FTO: variants seen among roughly 807,000 people sequenced by gnomAD.
FTO encodes the protein FTO alpha-ketoglutarate dependent dioxygenase.
A neutral mutation model predicts 63.9 loss-of-function variants in FTO; 47 were observed. The ratio of observed to expected loss-of-function variants is 0.74; its 90% CI spans 0.58 to 0.94. The LOEUF (loss-of-function observed/expected upper bound fraction) is 0.94. FTO is among the 40% of genes least tolerant of loss of function. The probability of loss-of-function intolerance (pLI) is 0.00; values close to 1 mark genes in which losing one functional copy is unlikely to be tolerated. For missense variants in FTO, 562 were observed against 618.1 expected, an observed-to-expected ratio of 0.91 and a Z score of 0.96; for synonymous variants, 207 against 224.4, an observed-to-expected ratio of 0.92 and a Z score of 0.69.
intron 4 of FTO, among the ~76,000 whole-genome samples, chr16:53,868,147 T>G (rs1055773935): frequency 1.3e-5 from 2 of 152,172 alleles, no homozygotes; most frequent in Non-Finnish European, 2.9e-5. Flanking sequence ...TGATAATCTC[T>G]TATTTTTTAA....
intron 3 of FTO, among the ~76,000 whole-genome samples, chr16:53,829,896 A>G (rs2079100417): frequency 6.6e-6 from 1 of 151,728 alleles, no homozygotes; most frequent in African/African-American, 2.4e-5. Flanking sequence ...CCAAGGTCAC[A>G]TTGCTACTTA....
intron 1 of FTO, among the ~76,000 whole-genome samples, chr16:53,768,415 A>G (rs2151625044): frequency 6.6e-6 from 1 of 152,340 alleles, no homozygotes; most frequent in Non-Finnish European, 1.5e-5. Flanking sequence ...ATTCGGAAAC[A>G]TGACTGCTGG....
chr16:53,747,190 T>C (rs1373132210), intron 1 of FTO, among the ~76,000 whole-genome samples: 1 of 152,200 alleles, frequency 6.6e-6, no homozygotes, highest in Non-Finnish European at 1.5e-5. Flanking sequence ...CTCTTTGACA[T>C]ACCAATTTCA....
chr16:53,881,197 C>CATAG (rs2080824045), intron 6 of FTO, among the ~76,000 whole-genome samples: 1 of 151,226 alleles, frequency 6.6e-6, no homozygotes, highest in South Asian at 2.1e-4. Context: ...ACATACAGAC[C>CATAG]ATAGCATTCT....
intron 4 of FTO, among the ~76,000 whole-genome samples, chr16:53,864,159 G>C (rs938801722): frequency 6.6e-6 from 1 of 152,186 alleles, no homozygotes; most frequent in Non-Finnish European, 1.5e-5. Context: ...AAGATTGAGA[G>C]ATGAGAATGG....
At chr16:54,111,622 A>C (rs1489045802) in intron 8 of FTO, 140 bp from the exon 9 acceptor site, 1 of 871,190 alleles carries the variant, frequency 1.1e-6, no homozygotes, top group Non-Finnish European at 1.9e-6. Flanking sequence ...CCACCTGTAG[A>C]TTCATTCAGT....
chr16:54,086,098 A>G (rs2086249813), intron 8 of FTO, among the ~76,000 whole-genome samples: 1 of 152,210 alleles, frequency 6.6e-6, no homozygotes, highest in African/African-American at 2.4e-5. Context: ...TTAAAGTGGA[A>G]AACAAATCAT....
chr16:53,978,724 C>T lies in FTO; in HGVS notation c.1364+44615C>T, dbSNP rs148814660. ...AAAAATTACCCATAATCACCGGGTG[C>T]GGTGGCTCACATCTGTAATCCCAGC... On this transcript the variant is annotated intron_variant, in intron 8 of 8. Coordinates refer to ENST00000471389, the MANE Select transcript of FTO (RefSeq NM_001080432.3). Among the ~76,000 whole-genome samples the T allele has an allele frequency of 9.3e-3, 1,413 of 152,236 alleles. 28 individuals are homozygous for T. Among genetic ancestry groups the T allele is most frequent in the African/African-American group, 0.032 (1,313 of 41,548 alleles).
chr16:53,716,222 C>G (rs535013997), intron 1 of FTO, among the ~76,000 whole-genome samples: 1 of 152,122 alleles, frequency 6.6e-6, no homozygotes, highest in Non-Finnish European at 1.5e-5. Context: ...GTTTACCACC[C>G]TAGGGGGATA....
chr16:53,914,147 CAA>C (rs1233310420), intron 7 of FTO, among the ~76,000 whole-genome samples: 1 of 152,112 alleles, frequency 6.6e-6, no homozygotes, highest in Non-Finnish European at 1.5e-5. Flanking sequence ...CGAAGAAGAT[CAA>C]AAGACAGGAA....
At chr16:54,053,763 A>G in intron 8 of FTO, among the ~76,000 whole-genome samples, 1 of 152,178 alleles carries the variant, frequency 6.6e-6, no homozygotes. Flanking sequence ...CCCCTGCCCA[A>G]ACCCCTGCCT....
At chr16:53,785,405 A>G (rs2077707629) in intron 1 of FTO, among the ~76,000 whole-genome samples, 1 of 152,230 alleles carries the variant, frequency 6.6e-6, no homozygotes, top group Non-Finnish European at 1.5e-5. Context: ...ACAAAAATTA[A>G]GTACAAATAA....
intron 8 of FTO, among the ~76,000 whole-genome samples, chr16:54,074,306 G>A (rs1173713904): frequency 6.6e-6 from 1 of 152,038 alleles, no homozygotes; most frequent in African/African-American, 2.4e-5. Context: ...CATGTAATCT[G>A]TCTTCATTAA....
intron 1 of FTO, among the ~76,000 whole-genome samples, chr16:53,805,237 C>T (rs1024821464): frequency 2.6e-5 from 4 of 152,208 alleles, no homozygotes; most frequent in African/African-American, 9.6e-5. Flanking sequence ...AAATACACTT[C>T]ATTTGTAGGT....
chr16:53,726,089 A>G (rs1360387148), intron 1 of FTO, among the ~76,000 whole-genome samples: 2 of 152,346 alleles, frequency 1.3e-5, no homozygotes, highest in South Asian at 2.1e-4. Flanking sequence ...TAGAAAAGCA[A>G]TAAGAGCCCG....
chr16:53,946,960 T>A (rs1286608436), intron 8 of FTO, among the ~76,000 whole-genome samples: 1 of 152,250 alleles, frequency 6.6e-6, no homozygotes, highest in Non-Finnish European at 1.5e-5. Flanking sequence ...ACCCTCCCAG[T>A]GTTAATTATA....
chr16:53,857,218 C>T (rs1466346831), intron 4 of FTO, among the ~76,000 whole-genome samples: 11 of 152,086 alleles, frequency 7.2e-5, no homozygotes, highest in Non-Finnish European at 1.5e-4. Flanking sequence ...GATAATTTTT[C>T]GATCCTTACC....
chr16:53,707,335 C>T (rs1264101767), intron 1 of FTO, among the ~76,000 whole-genome samples: 1 of 152,152 alleles, frequency 6.6e-6, no homozygotes, highest in Non-Finnish European at 1.5e-5. Context: ...TCTCAAATCT[C>T]TCTCTCCTTT....
At chr16:53,961,004 G>A (rs1463425424) in intron 8 of FTO, among the ~76,000 whole-genome samples, 2 of 152,068 alleles carry the variant, frequency 1.3e-5, no homozygotes, top group African/African-American at 2.4e-5. Context: ...GATCTAGGAC[G>A]GTGTCCAGAA....
Sources: gnomAD v4.1 joint callset for allele counts (sites outside exome capture counted in the v4.1 genomes callset) on GRCh38, gnomAD v4.1.1 for gene constraint, MANE v1.5 for transcripts, NCBI Gene and HGNC (gene_info 2026-07-23, HGNC 2026-07-21) for gene names.